The following MYOF variants were observed in gnomAD, a reference collection of about 807,000 sequenced individuals.
MYOF encodes myoferlin.
In MYOF, 244 loss-of-function variants were observed where a neutral mutation model predicts 284.2. The ratio of observed to expected loss-of-function variants is 0.86; its 90% CI spans 0.77 to 0.95. MYOF has a LOEUF of 0.95. Among genes scored for constraint, MYOF ranks in the 40% least tolerant of loss-of-function variants. The pLI is 0.00. For missense variants in MYOF, 2,496 were observed against 2,560.6 expected, an observed-to-expected ratio of 0.97 and a Z score of 0.54; for synonymous variants, 904 against 919.7, an observed-to-expected ratio of 0.98 and a Z score of 0.31.
chr10:93,357,425 A>G (rs1844858540), intron 29 of MYOF, among the ~76,000 whole-genome samples: 1 of 152,220 alleles, frequency 6.6e-6, no homozygotes, highest in Non-Finnish European at 1.5e-5. Flanking sequence ...TCAATGTTAT[A>G]TTCTCTTCAT....
At chr10:93,471,873 G>T (rs956588576) in intron 1 of MYOF, among the ~76,000 whole-genome samples, 3 of 143,338 alleles carry the variant, frequency 2.1e-5, no homozygotes, top group Non-Finnish European at 3.0e-5. Flanking sequence ...TGGGTGACAA[G>T]AGTGAAACAC....
intron 26 of MYOF, 50 bp downstream of exon 26, chr10:93,366,342 A>G: frequency 6.4e-7 from 1 of 1,570,740 alleles, no homozygotes; most frequent in Non-Finnish European, 8.7e-7. Flanking sequence ...AGCAATTTCT[A>G]GAGAAAGATT....
chr10:93,420,290 G>A (rs1040788066), intron 5 of MYOF, among the ~76,000 whole-genome samples: 3 of 152,170 alleles, frequency 2.0e-5, no homozygotes, highest in Admixed American at 6.5e-5. Context: ...TTCCAGCTAC[G>A]GGAATGTAGG....
intron 39 of MYOF, 36 bp from the exon 40 acceptor site, chr10:93,337,949 T>C: frequency 6.8e-7 from 1 of 1,470,536 alleles, no homozygotes; most frequent in South Asian, 1.1e-5. Flanking sequence ...TCTTTAGTGA[T>C]GTCCTGGATT....
chr10:93,344,250 G>C (rs1844065879), intron 37 of MYOF, among the ~76,000 whole-genome samples: 1 of 152,232 alleles, frequency 6.6e-6, no homozygotes, highest in Non-Finnish European at 1.5e-5. Context: ...GGGTGCAGGA[G>C]TAAGTGGGGA....
chr10:93,434,413 A>C (rs1849015218), intron 3 of MYOF, among the ~76,000 whole-genome samples: 1 of 143,206 alleles, frequency 7.0e-6, no homozygotes, highest in South Asian at 2.5e-4. Flanking sequence ...CCTGGGCAAC[A>C]GAGCAAGACC....
chr10:93,460,438 GA>G (rs1421791220), intron 1 of MYOF, among the ~76,000 whole-genome samples: 3 of 152,232 alleles, frequency 2.0e-5, no homozygotes, highest in Non-Finnish European at 4.4e-5. Flanking sequence ...ACAGGAAACA[GA>G]AGAGTGTAAG....
chr10:93,370,525 G>A (rs1008820647), intron 24 of MYOF, among the ~76,000 whole-genome samples: 1 of 151,284 alleles, frequency 6.6e-6, no homozygotes, highest in Non-Finnish European at 1.5e-5. Flanking sequence ...ATGTTGCCCT[G>A]GTGGGTCTTA....
At chr10:93,387,720 C>T (rs189649017) in intron 19 of MYOF, 77 bp downstream of exon 19, 54 of 1,249,638 alleles carry the variant, frequency 4.3e-5, no homozygotes, top group Admixed American at 8.6e-5. Flanking sequence ...GGTTGCCTTC[C>T]GACTCCCCCA....
chr10:93,469,264 G>A (rs563935249), intron 1 of MYOF, among the ~76,000 whole-genome samples: 3 of 152,228 alleles, frequency 2.0e-5, no homozygotes, highest in Non-Finnish European at 4.4e-5. Context: ...AGCCGGGCAT[G>A]GTGGTGCACT....
At chr10:93,468,628 T>G (rs2057065788) in intron 1 of MYOF, among the ~76,000 whole-genome samples, 1 of 152,242 alleles carries the variant, frequency 6.6e-6, no homozygotes, top group African/African-American at 2.4e-5. Flanking sequence ...AATTTCCAGT[T>G]GAATTTAACC....
At chr10:93,479,429 TAC>T (rs1253237089) in intron 1 of MYOF, among the ~76,000 whole-genome samples, 1 of 152,220 alleles carries the variant, frequency 6.6e-6, no homozygotes, top group East Asian at 1.9e-4. Flanking sequence ...TACTTAATTT[TAC>T]GCAGTGCTCA....
rs762204382 is a variant in MYOF, at chr10:93,349,979, C to T, written c.3922-10G>A. 4.4e-5 allele frequency: 71 copies of T among 1,611,018 alleles called. No homozygotes were observed. Among genetic ancestry groups the T allele is most frequent in the Middle Eastern group, 1.7e-4 (1 of 6,060 alleles). ...AGCCCCAAGCTAGAATCTATGAAAA[C>T]GATTTAAAGAGAGGGGAAGGTAACT... is the stretch of plus-strand genomic sequence containing the variant. On this transcript the variant is annotated splice_polypyrimidine_tract_variant and intron_variant, in intron 35 of 53. Transcript: ENST00000359263.
At chr10:93,330,389 T>TTCC (rs1370354514) in intron 43 of MYOF, among the ~76,000 whole-genome samples, 13 of 152,164 alleles carry the variant, frequency 8.5e-5, no homozygotes, top group African/African-American at 2.4e-4. Context: ...CCCTCCTAGG[T>TTCC]TCCCTCCTCT....
Position 93,355,642 on chromosome 10 carries a change from G to A in MYOF, c.3389C>T (p.Ser1130Phe), listed in dbSNP as rs544139761. ...TVFGANTPIVSCNFDRVYIYH... is the reference protein window; with the variant it reads ...TVFGANTPIVFCNFDRVYIYH... ...ACAAAACTCACTGTCAAAATTGCAGGAAACAATGGGGGTGTTTGCTCCGAA... is the reference window on the plus strand; with the variant it reads ...ACAAAACTCACTGTCAAAATTGCAGAAAACAATGGGGGTGTTTGCTCCGAA... Residue 1130 changes from serine (S) to phenylalanine (F), a missense_variant, in exon 31 of 54, where the codon TCC becomes TTC. Ser to Phe is a radical substitution (Grantham distance 155). Around this residue, in one of 3 missense-constraint regions of MYOF, gnomAD observed 2,436 missense variants for 2,480.7 expected, o/e 0.98. Coordinates refer to ENST00000359263, the MANE Select transcript of MYOF (RefSeq NM_013451.4). 1.9e-6 allele frequency: 3 copies of A among 1,604,690 alleles called. No individual in the cohort carries two copies. Among genetic ancestry groups the A allele is most frequent in the South Asian group, 2.2e-5 (2 of 89,018 alleles).
At chr10:93,400,804 T>C (rs1056688280) in intron 12 of MYOF, among the ~76,000 whole-genome samples, 4 of 151,400 alleles carry the variant, frequency 2.6e-5, no homozygotes, top group Non-Finnish European at 5.9e-5. Flanking sequence ...CATAATACAA[T>C]AGTGGCAGAC....
Position 93,397,431 on chromosome 10 carries a change from T to G in MYOF, c.1247A>C (p.Asn416Thr). ...GACCTGATTCCACTCTGGGTTTGCA[T>G]TTTTCTCAATTATGTTTGTACAAAC... Reference protein sequence around the residue: ...KKVCTNIIEKNANPEWNQVVN... With the variant: ...KKVCTNIIEKTANPEWNQVVN... Residue 416 changes from asparagine (N) to threonine (T), a missense_variant, in exon 14 of 54, where the codon AAT becomes ACT. Transcript: ENST00000359263. 6.2e-7 allele frequency: 1 copy of G among 1,610,834 alleles called. No individual in the cohort carries two copies. Among genetic ancestry groups the G allele is most frequent in the Non-Finnish European group, 8.5e-7 (1 of 1,179,164 alleles).
rs1437183247 is a variant in MYOF at position 93,389,044 on chromosome 10, G to T, written c.1567C>A (p.Leu523Met). The T allele has an allele frequency of 6.2e-7, 1 of 1,613,576 alleles. No homozygotes were observed. Among genetic ancestry groups the T allele is most frequent in the East Asian group, 2.2e-5 (1 of 44,862 alleles). Reference sequence around the variant, plus strand: ...GAGAAACCAACCTTTCCAGTATTCAGCTCATCATAGGGGTCTGGGAATCCC... The same window carrying T: ...GAGAAACCAACCTTTCCAGTATTCATCTCATCATAGGGGTCTGGGAATCCC... ...YTGFPDPYDE[L>M]NTGKGEGVAY... The change falls in exon 18 of 54, where the codon CTG (leucine) becomes ATG (methionine). Residue 523 changes from leucine (L) to methionine (M), a missense_variant. Transcript: ENST00000359263.
intron 19 of MYOF, among the ~76,000 whole-genome samples, chr10:93,386,076 G>A (rs1846350574): frequency 6.6e-6 from 1 of 152,178 alleles, no homozygotes; most frequent in South Asian, 2.1e-4. Flanking sequence ...AAATAAAAGA[G>A]GTACTATAAT....
Sources: allele counts gnomAD v4.1 joint callset (sites outside exome capture counted in the v4.1 genomes callset), GRCh38; gene constraint gnomAD v4.1.1; regional missense constraint gnomAD v4.1.1; transcripts MANE v1.5; gene names NCBI Gene and HGNC (gene_info 2026-07-23, HGNC 2026-07-21).